UBR4: variants seen among roughly 807,000 people sequenced by gnomAD.
The protein encoded by UBR4 is E3 ubiquitin-protein ligase UBR4.
Under a neutral mutation model 575.6 loss-of-function variants are expected in UBR4, and 124 were observed. The ratio of observed to expected loss-of-function variants is 0.22; its 90% CI spans 0.19 to 0.25. The LOEUF is 0.25. UBR4 is among the 10% of genes least tolerant of loss of function. The pLI is 1.00. For missense variants in UBR4, 4,818 were observed against 6,478.8 expected, an observed-to-expected ratio of 0.74 and a Z score of 8.80; for synonymous variants, 2,455 against 2,473.7, an observed-to-expected ratio of 0.99 and a Z score of 0.22.
chr1:19,099,084 C>A (rs941755968), intron 90 of UBR4, among the ~76,000 whole-genome samples: 1 of 152,200 alleles, frequency 6.6e-6, no homozygotes, highest in African/African-American at 2.4e-5. Flanking sequence ...AGGCCCAGAG[C>A]GCTGGACTTC....
chr1:19,143,220 AAGGAAGGAAGGAAGGC>A lies in UBR4; in HGVS notation c.8179+744_8179+759del, dbSNP rs1336322811. On this transcript the variant is annotated intron_variant, in intron 55 of 105. Transcript: ENST00000375254. ...AAGGAAGGAAGGAAGGAAAGAAAGG[AAGGAAGGAAGGAAGGC>A]AGGAAGGAAGGAAGGAAGGAAGGAA... Among the ~76,000 whole-genome samples the A allele has an allele frequency of 3.3e-3, 351 of 105,568 alleles. 6 individuals carry two copies. Among genetic ancestry groups the A allele is most frequent in the East Asian group, 0.032 (82 of 2,574 alleles). 69.3% of individuals were successfully genotyped at this position (105,568 alleles called of 152,430 possible).
chr1:19,195,969 TACACACACACAC>T lies in UBR4; in HGVS notation c.1018+1160_1018+1171del, dbSNP rs55820713. On this transcript the variant is annotated intron_variant, in intron 8 of 105. Transcript: ENST00000375254. The stretch of plus-strand genomic sequence containing the variant: ...GCCATAAAACCTACAGACTTACTTA[TACACACACACAC>T]ACACACACACACACACACACACACA... Among the ~76,000 whole-genome samples the T allele has an allele frequency of 3.1e-3, 417 of 134,136 alleles. 5 individuals are homozygous for T. Among genetic ancestry groups the T allele is most frequent in the Admixed American group, 6.7e-3 (91 of 13,492 alleles). 88.0% of individuals were successfully genotyped at this position (134,136 alleles called of 152,430 possible).
chr1:19,174,004 A>C (rs554383893), intron 22 of UBR4, among the ~76,000 whole-genome samples: 1 of 152,200 alleles, frequency 6.6e-6, no homozygotes, highest in Non-Finnish European at 1.5e-5. Context: ...ACATTAACAG[A>C]GCCATGGAAA....
chr1:19,193,459 C>T lies in UBR4; in HGVS notation c.1117G>A (p.Asp373Asn). 6.2e-7 allele frequency: 1 copy of T among 1,614,150 alleles called. No homozygotes were observed. Among genetic ancestry groups the T allele is most frequent in the South Asian group, 1.1e-5 (1 of 91,078 alleles). The change falls in exon 9 of 106, where the codon GAC (aspartate) becomes AAC (asparagine). Residue 373 changes from aspartate to asparagine, a missense_variant. Physicochemically the swap from Asp to Asn is conservative, Grantham distance 23. Coordinates refer to ENST00000375254, the MANE Select transcript of UBR4 (RefSeq NM_020765.3). ...TSSKEDDYES[D>N]AATIVQKCLE... ...CATTTCTGGACAATTGTAGCTGCGT[C>T]ACTTTCATAGTCATCTTCTTTGGAG...
intron 101 of UBR4, 21 bp downstream of exon 101, chr1:19,086,124 T>A: frequency 6.2e-7 from 1 of 1,612,536 alleles, no homozygotes; most frequent in Non-Finnish European, 8.5e-7. Flanking sequence ...CATTCCACCA[T>A]GAAAAATACT....
intron 17 of UBR4, among the ~76,000 whole-genome samples, chr1:19,183,117 A>G (rs1327136667): frequency 1.3e-5 from 2 of 152,200 alleles, no homozygotes; most frequent in Non-Finnish European, 2.9e-5. Flanking sequence ...TTCTTTTAAA[A>G]CACACATTTT....
Position 19,138,061 on chromosome 1 carries a change from C to A in UBR4, c.8852G>T (p.Gly2951Val). The A allele has an allele frequency of 6.3e-7, 1 of 1,591,488 alleles. No homozygotes were observed. The change falls in exon 60 of 106, where the codon GGC becomes GTC. Residue 2951 changes from glycine to valine, a missense_variant. Around this residue, in one of 29 missense-constraint regions of UBR4, gnomAD observed 87 missense variants for 82.8 expected, o/e 1.05. Coordinates refer to ENST00000375254, the MANE Select transcript of UBR4 (RefSeq NM_020765.3). The stretch of plus-strand genomic sequence containing the variant: ...TTCTCCTTCTCCTTCTCCCTCGGAG[C>A]CATCTCCCTCCTGGTGCCCAGTGGT... Reference protein sequence around the residue: ...STTTGHQEGDGSEGEGEGETE... With the variant: ...STTTGHQEGDVSEGEGEGETE...
In UBR4 at chr1:19,101,602, A is replaced by G. The variant is rs763710801; in HGVS notation, c.12941T>C (p.Ile4314Thr). 1 of 1,613,830 alleles carries G rather than the reference A, an allele frequency of 6.2e-7. No individual in the cohort carries two copies. Reference sequence around the variant, plus strand: ...CAGATTGTAGCGCTTGGCTGTCTCAATGCACACAGCCATGAAGGCCTTGGT... The same window carrying G: ...CAGATTGTAGCGCTTGGCTGTCTCAGTGCACACAGCCATGAAGGCCTTGGT... Reference protein sequence around the residue: ...SETKAFMAVCIETAKRYNLDD... With the variant: ...SETKAFMAVCTETAKRYNLDD... Residue 4314 changes from isoleucine to threonine, a missense_variant, in exon 88 of 106, where the codon ATT (isoleucine) becomes ACT (threonine). This residue lies in a region of UBR4 where 105 missense variants were observed against 232.8 expected (regional missense o/e 0.45). Coordinates refer to ENST00000375254, the MANE Select transcript of UBR4 (RefSeq NM_020765.3).
rs1214399231 is a variant in UBR4 at position 19,095,535 on chromosome 1, T to C, written c.13626+10A>G. On this transcript the variant is annotated intron_variant, in intron 93 of 105. Transcript: ENST00000375254. ...CCCACTCTTCTTCACCTGCAGTCCATGCTCCTTACCAGGTTTAGGGTCCCC... is the reference window on the plus strand; with the variant it reads ...CCCACTCTTCTTCACCTGCAGTCCACGCTCCTTACCAGGTTTAGGGTCCCC... The C allele has an allele frequency of 2.5e-6, 4 of 1,613,046 alleles. No homozygotes were observed. The highest frequency in any genetic ancestry group is 1.1e-5 in the South Asian group (1 of 91,044).
intron 61 of UBR4, among the ~76,000 whole-genome samples, chr1:19,128,548 AG>A (rs1344310206): frequency 6.6e-6 from 1 of 152,260 alleles, no homozygotes; most frequent in African/African-American, 2.4e-5. Flanking sequence ...TTTTGTAAAA[AG>A]TTTGTAAAAT....
chr1:19,172,131 C>T (rs1231356942), intron 25 of UBR4, among the ~76,000 whole-genome samples: 3 of 152,130 alleles, frequency 2.0e-5, no homozygotes, highest in African/African-American at 7.2e-5. Flanking sequence ...ATGCAATTTG[C>T]AGTGTTTGTT....
chr1:19,176,528 T>A (rs780085517), intron 20 of UBR4, 64 bp downstream of exon 20: 28 of 1,580,378 alleles, frequency 1.8e-5, no homozygotes, highest in Non-Finnish European at 2.3e-5. Context: ...TCCCCAAGCT[T>A]CAAATTCAAC....
At position 19,100,322 on chromosome 1, in the gene UBR4, C is replaced by G. The variant is rs543006166; in HGVS notation, c.13221+54G>C. ...GAAGAAGCACCTGGATTTGGTTAGC[C>G]TAGGAGGAAGCCCCTAATCGTAAAC... On this transcript the variant is annotated intron_variant, in intron 89 of 105. Coordinates refer to ENST00000375254, the MANE Select transcript of UBR4 (RefSeq NM_020765.3). The surrounding 1 kb of genome is among the most constrained non-coding windows in gnomAD (Gnocchi z 4.2). The G allele has an allele frequency of 2.6e-5, 41 of 1,603,414 alleles. No individual in the cohort carries two copies. The highest frequency in any genetic ancestry group is 3.2e-5 in the Non-Finnish European group (37 of 1,172,146).
chr1:19,088,833 T>C lies in UBR4; in HGVS notation c.14356A>G (p.Arg4786Gly). The C allele has an allele frequency of 3.1e-6, 5 of 1,614,096 alleles. No homozygotes were observed. The highest frequency in any genetic ancestry group is 4.2e-6 in the Non-Finnish European group (5 of 1,179,976). The change falls in exon 98 of 106, where the codon AGG becomes GGG. Residue 4786 changes from arginine (R) to glycine (G), a missense_variant. Arg to Gly is a moderately radical substitution (Grantham distance 125). Coordinates refer to ENST00000375254, the MANE Select transcript of UBR4 (RefSeq NM_020765.3). The surrounding 1 kb of genome is among the most constrained non-coding windows in gnomAD (Gnocchi z 4.0). ...CGCTTCTTCTCTGCCCGGGTCTCCCTGCGGGCTGCGTCAATCTTCTTGTTT... is the reference window on the plus strand; with the variant it reads ...CGCTTCTTCTCTGCCCGGGTCTCCCCGCGGGCTGCGTCAATCTTCTTGTTT... ...DVNKKIDAARRETRAEKKRMA... is the reference protein window; with the variant it reads ...DVNKKIDAARGETRAEKKRMA...
Position 19,156,520 on chromosome 1 carries a change from C to T in UBR4, c.5920-97G>A. ...GACGTTCCCTTTTTTCCTCTAATATCCCCTGCCTTCAGACAGTATTTAGAC... is the reference window on the plus strand; with the variant it reads ...GACGTTCCCTTTTTTCCTCTAATATTCCCTGCCTTCAGACAGTATTTAGAC... On this transcript the variant is annotated intron_variant, in intron 41 of 105. Coordinates refer to ENST00000375254, the MANE Select transcript of UBR4 (RefSeq NM_020765.3). The T allele has an allele frequency of 4.1e-6, 6 of 1,448,534 alleles. No homozygotes were observed. In the Middle Eastern group the frequency reaches 1.1e-3, roughly 257 times the overall value. 89.7% of individuals were successfully genotyped at this position (1,448,534 alleles called of 1,614,324 possible).
At chr1:19,161,978 C>T (rs1272578402) in intron 35 of UBR4, 81 bp from the exon 36 acceptor site, 1 of 1,511,220 alleles carries the variant, frequency 6.6e-7, no homozygotes, top group Non-Finnish European at 9.1e-7. Flanking sequence ...CCTCAACGCC[C>T]TATGGCGGGG....
intron 60 of UBR4, among the ~76,000 whole-genome samples, chr1:19,131,121 C>T (rs1478478752): frequency 1.3e-5 from 2 of 151,714 alleles, no homozygotes; most frequent in Admixed American, 6.6e-5. Context: ...GTTGCCCAGG[C>T]TGATCTCAAA....
chr1:19,204,392 T>G (rs2092902502), intron 1 of UBR4, among the ~76,000 whole-genome samples: 1 of 152,138 alleles, frequency 6.6e-6, no homozygotes, highest in Non-Finnish European at 1.5e-5. Flanking sequence ...AGTTCCTGAT[T>G]TATTTCCAAA....
At position 19,167,219 on chromosome 1, in the gene UBR4, C is replaced by G; in HGVS notation, c.3912G>C (p.Glu1304Asp). Reference protein sequence around the residue: ...LTGDLIVWSDEMNPPQVIRTL... With the variant: ...LTGDLIVWSDDMNPPQVIRTL... Reference sequence around the variant, plus strand: ...TCCGAATTACCTGTGGTGGGTTCATCTCATCTGACCAACTTCAGCAAAGAA... The same window carrying G: ...TCCGAATTACCTGTGGTGGGTTCATGTCATCTGACCAACTTCAGCAAAGAA... Residue 1304 changes from glutamate (E) to aspartate (D), a missense_variant, in exon 29 of 106, where the codon GAG becomes GAC. By Grantham distance (45) the Glu-to-Asp change is conservative (BLOSUM62 2). Transcript: ENST00000375254. The G allele has an allele frequency of 1.2e-6, 2 of 1,614,212 alleles. No homozygotes were observed. The highest frequency in any genetic ancestry group is 1.7e-6 in the Non-Finnish European group (2 of 1,180,038).
Sources: allele counts gnomAD v4.1 joint callset (sites outside exome capture counted in the v4.1 genomes callset), GRCh38; gene constraint gnomAD v4.1.1; regional missense constraint gnomAD v4.1.1; non-coding constraint Gnocchi (gnomAD v3.1); transcripts MANE v1.5; gene names NCBI Gene and HGNC (gene_info 2026-07-23, HGNC 2026-07-21).